Variants in IQCK observed in about 807,000 individuals in gnomAD.
IQCK encodes the protein IQ motif containing K.
Under a neutral mutation model 28.1 loss-of-function variants are expected in IQCK, and 29 were observed. The observed-to-expected ratio is 1.03, with a 90% CI of 0.77 to 1.41. The LOEUF is 1.41. Ranked by LOEUF, IQCK falls within the 40% of genes most tolerant of loss-of-function variation. The pLI is 0.00. For synonymous variants in IQCK, 113 were observed against 115.1 expected (o/e 0.98, Z 0.12); for missense variants, 359 against 314.7 (o/e 1.14, Z -1.07).
chr16:19,725,436 A>G (rs950690482), intron 1 of IQCK, among the ~76,000 whole-genome samples: 2 of 152,180 alleles, frequency 1.3e-5, no homozygotes, highest in Admixed American at 6.5e-5. Flanking sequence ...GGCTCCAACA[A>G]TCTGCCCACC....
In IQCK at chr16:19,817,261, A is replaced by G. The variant is rs76964130; in HGVS notation, c.691-9765A>G. ...GCTTTGTTTGGCAATGAAATTGTTT[A>G]TGTGTTAAACATTAAACTGCATTCC... is the stretch of plus-strand genomic sequence containing the variant. On this transcript the variant is annotated intron_variant, in intron 7 of 7. Transcript: ENST00000564186. Among the ~76,000 whole-genome samples, 15 of 152,304 alleles carry G rather than the reference A, an allele frequency of 9.8e-5. 1 individual carries two copies. In the East Asian group the frequency reaches 2.5e-3, roughly 25 times the overall value.
intron 9 of IQCK, among the ~76,000 whole-genome samples, chr16:19,835,387 G>T (rs990184305): frequency 3.9e-5 from 6 of 152,062 alleles, no homozygotes; most frequent in East Asian, 1.9e-4. Context: ...ATATATCATT[G>T]CCATCTGCTT....
At chr16:19,823,935 AAAAT>A (rs71375664) in intron 7 of IQCK, among the ~76,000 whole-genome samples, 10 of 146,552 alleles carry the variant, frequency 6.8e-5, no homozygotes, top group East Asian at 2.1e-4. Context: ...TCCCTCTTAA[AAAAT>A]AAATAAATAA....
At chr16:19,765,449 T>G (rs559285837) in intron 6 of IQCK, among the ~76,000 whole-genome samples, 1 of 150,906 alleles carries the variant, frequency 6.6e-6, no homozygotes, top group African/African-American at 2.4e-5. Flanking sequence ...GAGGCAGGAG[T>G]ATCGCTTGAA....
At chr16:19,749,707 A>G (rs145983338) in intron 4 of IQCK, among the ~76,000 whole-genome samples, 3 of 152,206 alleles carry the variant, frequency 2.0e-5, no homozygotes, top group African/African-American at 7.2e-5. Context: ...TCGAGGCTGC[A>G]GTGAGCTATG....
intron 1 of IQCK, among the ~76,000 whole-genome samples, chr16:19,719,583 C>T (rs1052802664): frequency 8.0e-5 from 12 of 149,812 alleles, no homozygotes; most frequent in Admixed American, 4.0e-4. Context: ...GAGCGAGACT[C>T]CATCCCCAAA....
intron 4 of IQCK, among the ~76,000 whole-genome samples, chr16:19,759,017 T>C (rs2055093486): frequency 6.6e-6 from 1 of 152,082 alleles, no homozygotes; most frequent in Non-Finnish European, 1.5e-5. Context: ...CCTAGTAAAA[T>C]ATTGTGGGAA....
chr16:19,764,358 G>A (rs778938872), intron 6 of IQCK: 128 of 358,922 alleles, frequency 3.6e-4, no homozygotes, highest in Non-Finnish European at 5.7e-4. Flanking sequence ...ATTATCCTAA[G>A]TAATTTATCC....
At chr16:19,808,749 A>C (rs1013462754) in intron 7 of IQCK, among the ~76,000 whole-genome samples, 15 of 152,240 alleles carry the variant, frequency 9.9e-5, no homozygotes, top group African/African-American at 3.6e-4. Flanking sequence ...AGGCCCTTGT[A>C]AGCATGAGTC....
chr16:19,752,376 G>T (rs946337022), intron 4 of IQCK, among the ~76,000 whole-genome samples: 2 of 152,126 alleles, frequency 1.3e-5, no homozygotes, highest in Non-Finnish European at 2.9e-5. Context: ...TTGATAAAAG[G>T]CTTATATTGT....
chr16:19,777,747 G>A (rs145027342), intron 6 of IQCK, among the ~76,000 whole-genome samples: 155 of 152,104 alleles, frequency 1.0e-3, no homozygotes, highest in African/African-American at 3.5e-3. Flanking sequence ...GTTTCTCCAT[G>A]GCTGTTTAAG....
At chr16:19,848,591 G>A (rs2056440755) in intron 9 of IQCK, among the ~76,000 whole-genome samples, 2 of 152,192 alleles carry the variant, frequency 1.3e-5, no homozygotes, top group African/African-American at 4.8e-5. Flanking sequence ...CACATTTCTT[G>A]AGTACCTTCT....
chr16:19,737,786 C>G (rs761382327), intron 4 of IQCK, among the ~76,000 whole-genome samples: 2 of 152,052 alleles, frequency 1.3e-5, no homozygotes, highest in Non-Finnish European at 2.9e-5. Flanking sequence ...CAGAACCACT[C>G]GAAGTTCGCT....
At chr16:19,784,931 G>T (rs1365811645) in intron 6 of IQCK, among the ~76,000 whole-genome samples, 2 of 152,082 alleles carry the variant, frequency 1.3e-5, no homozygotes, top group African/African-American at 4.8e-5. Context: ...ACCACGGCTG[G>T]CTAAATTTTG....
At chr16:19,857,267 G>T in exon 10 of IQCK, 1 of 326,442 alleles carries the variant, frequency 3.1e-6, no homozygotes, top group South Asian at 2.5e-5. Flanking sequence ...AGTTGCACTG[G>T]GTTGTTTTGA....
intron 1 of IQCK, among the ~76,000 whole-genome samples, chr16:19,725,433 A>G (rs1977624952): frequency 6.6e-6 from 1 of 152,160 alleles, no homozygotes; most frequent in Admixed American, 6.5e-5. Flanking sequence ...CCGGGCTCCA[A>G]CAATCTGCCC....
At chr16:19,768,972 CAG>C (rs1420021238) in intron 6 of IQCK, among the ~76,000 whole-genome samples, 2 of 152,104 alleles carry the variant, frequency 1.3e-5, no homozygotes, top group African/African-American at 2.4e-5. Flanking sequence ...TAAGATGTCA[CAG>C]GGGGTGCAGT....
chr16:19,727,148 G>GA (rs1977682056), intron 1 of IQCK, among the ~76,000 whole-genome samples: 1 of 147,314 alleles, frequency 6.8e-6, no homozygotes. Flanking sequence ...AAAAAAGAAA[G>GA]AAAGAAAAGA....
chr16:19,811,985 A>ATT (rs11290117), intron 7 of IQCK, among the ~76,000 whole-genome samples: 36 of 131,116 alleles, frequency 2.7e-4, no homozygotes, highest in Non-Finnish European at 2.7e-4. Context: ...AATAGCCTTA[A>ATT]TTTTTTTTTT....
Sources: gnomAD v4.1 joint callset for allele counts (sites outside exome capture counted in the v4.1 genomes callset) on GRCh38, gnomAD v4.1.1 for gene constraint, MANE v1.5 for transcripts, NCBI Gene and HGNC (gene_info 2026-07-23, HGNC 2026-07-21) for gene names.